The following CEP95 variants were observed in gnomAD, a reference collection of about 807,000 sequenced individuals.
CEP95 encodes centrosomal protein of 95 kDa.
A neutral mutation model predicts 111.2 loss-of-function variants in CEP95; 98 were observed. The ratio of observed to expected loss-of-function variants is 0.88; its 90% CI spans 0.75 to 1.04. The LOEUF is 1.04. CEP95 is among the 50% of genes least tolerant of loss of function. The probability of loss-of-function intolerance (pLI) is 0.00; values close to 1 mark genes in which losing one functional copy is unlikely to be tolerated. For synonymous variants in CEP95, 323 were observed against 327.1 expected, an observed-to-expected ratio of 0.99 and a Z score of 0.14; for missense variants, 1,027 against 977.2, an observed-to-expected ratio of 1.05 and a Z score of -0.68.
rs1555681620 is a variant in CEP95 at position 64,536,730 on chromosome 17, G to T, written c.2199G>T (p.Glu733Asp). The T allele has an allele frequency of 4.4e-6, 7 of 1,608,794 alleles. 1 individual carries two copies. The Admixed American group carries it at 1.2e-4, about 27-fold the overall frequency. Residue 733 changes from glutamate (E) to aspartate (D), a missense_variant, in exon 18 of 20, where the codon GAG (glutamate) becomes GAT (aspartate). Transcript: ENST00000556440. The stretch of plus-strand genomic sequence containing the variant: ...ACCAGGATGAACTGGACTCCATGGA[G>T]AACTACTATAAGGACCAGGTGGGCT... ...RRHQDELDSMENYYKDQFSLL... is the reference protein window; with the variant it reads ...RRHQDELDSMDNYYKDQFSLL...
rs755945888 is a variant in CEP95, at chr17:64,508,639, C to G, written c.67C>G (p.Leu23Val). 6 of 1,461,872 alleles carry G rather than the reference C, an allele frequency of 4.1e-6. No individual in the cohort carries two copies. Among genetic ancestry groups the G allele is most frequent in the Non-Finnish European group, 5.5e-6 (6 of 1,097,916 alleles). The allele number at this position is 1,461,872 out of a possible 1,614,324, so 90.6% of individuals were successfully genotyped here. A position where few individuals can be genotyped will look rare whatever the true frequency, so the allele number is the denominator to read the frequency against. ...NNLLFKCHIH[L>V]RIHELQDCDA... ...CCTTCTTTTTAAGTGTCATATACATCTGAGAATACATGAACTTCAAGACTG... is the reference window on the plus strand; with the variant it reads ...CCTTCTTTTTAAGTGTCATATACATGTGAGAATACATGAACTTCAAGACTG... The change falls in exon 2 of 20, where the codon CTG (leucine) becomes GTG (valine). Residue 23 changes from leucine to valine, a missense_variant. Physicochemically the swap from Leu to Val is conservative, Grantham distance 32 (BLOSUM62 1). Coordinates refer to ENST00000556440, the MANE Select transcript of CEP95 (RefSeq NM_138363.3).
intron 17 of CEP95, chr17:64,535,927 G>A (rs1288592923): frequency 6.6e-6 from 1 of 152,166 alleles, no homozygotes; most frequent in Admixed American, 6.5e-5. Context: ...GATGAACCTT[G>A]AAAACATGCG....
intron 18 of CEP95, 143 bp downstream of exon 18, chr17:64,536,891 T>A (rs1968693698): frequency 8.3e-7 from 1 of 1,204,578 alleles, no homozygotes; most frequent in East Asian, 2.5e-5. Context: ...ATTTCAAGAT[T>A]GAAATTTAAG....
intron 1 of CEP95, chr17:64,507,708 G>C (rs1401908732): frequency 5.1e-6 from 5 of 985,972 alleles, no homozygotes; most frequent in Non-Finnish European, 6.0e-6. Context: ...GGTTTGGCCA[G>C]CTGTGAGAAA....
chr17:64,531,177 A>G (rs1232187697), intron 13 of CEP95, 159 bp downstream of exon 13: 4 of 434,920 alleles, frequency 9.2e-6, no homozygotes, highest in African/African-American at 2.0e-5. Context: ...TTGCTTATTA[A>G]TAAGGCATTC....
At chr17:64,507,534 C>T (rs1000267629) in intron 1 of CEP95, 14 of 1,100,888 alleles carry the variant, frequency 1.3e-5, no homozygotes, top group Non-Finnish European at 1.3e-5. Context: ...TATGCCCCTG[C>T]AGAATAGTAG....
chr17:64,530,506 ATTTTTTTTTT>A lies in CEP95; in HGVS notation c.1447-413_1447-404del, dbSNP rs55675645. On this transcript the variant is annotated intron_variant, in intron 12 of 19. Coordinates refer to ENST00000556440, the MANE Select transcript of CEP95 (RefSeq NM_138363.3). ...TAGGTGAATTTTTTTCCTCTTTTGT[ATTTTTTTTTT>A]TTTTTTCTCAAGGTGGAGATTCACT... Among the ~76,000 whole-genome samples the A allele has an allele frequency of 1.8e-4, 21 of 118,528 alleles. 1 individual carries two copies. Among genetic ancestry groups the A allele is most frequent in the African/African-American group, 6.7e-4 (21 of 31,178 alleles). The allele number at this position is 118,528 out of a possible 152,430, so 77.8% of individuals were successfully genotyped here. A position where few individuals can be genotyped will look rare whatever the true frequency, so the allele number is the denominator to read the frequency against.
At chr17:64,522,992 G>A in intron 8 of CEP95, 97 bp downstream of exon 8, 1 of 886,776 alleles carries the variant, frequency 1.1e-6, no homozygotes, top group South Asian at 1.8e-5. Flanking sequence ...GTGTGTGTAT[G>A]TGTATTGGTG....
At chr17:64,514,401 A>G (rs1048574869) in intron 4 of CEP95, 43 bp downstream of exon 4, 3 of 860,314 alleles carry the variant, frequency 3.5e-6, no homozygotes, top group Non-Finnish European at 1.9e-6. Context: ...ACCTTTTATG[A>G]TGTGTCCCTT....
At position 64,522,701 on chromosome 17, in the gene CEP95, G is replaced by T; in HGVS notation, c.716-1G>T. On this transcript the variant is annotated splice_acceptor_variant, in intron 7 of 19. Transcript: ENST00000556440. LOFTEE classifies it high-confidence loss of function. ...ATATCCACTTTAATTTGTCTTACTA[G>T]CGGAAACCCTTTCTGTGAGTGGGAT... 1 of 1,610,908 alleles carries T rather than the reference G, an allele frequency of 6.2e-7. No homozygotes were observed. The highest frequency in any genetic ancestry group is 8.5e-7 in the Non-Finnish European group (1 of 1,178,362).
Position 64,507,074 on chromosome 17 carries a change from C to G in CEP95, c.-24C>G, listed in dbSNP as rs1013270885. 2 of 1,550,622 alleles carry G rather than the reference C, an allele frequency of 1.3e-6. No individual in the cohort carries two copies. The highest frequency in any genetic ancestry group is 8.7e-7 in the Non-Finnish European group (1 of 1,146,930). On this transcript the variant is annotated 5_prime_UTR_variant, in exon 1 of 20. Transcript: ENST00000556440. ...GTCGCCTTCCCGGCCGCGTCGGAGT[C>G]CGGCGGCGACCTGCCTCTGAAACAT...
Position 64,536,666 on chromosome 17 carries a change from A to G in CEP95, c.2135A>G (p.Asn712Ser), listed in dbSNP as rs1302161794. Residue 712 changes from asparagine to serine, a missense_variant, in exon 18 of 20, where the codon AAC becomes AGC. Transcript: ENST00000556440. ...AAGCAAAGATTACGAGACCTAAGAAACTATGCCAAAGAAAAGCGAGATGAA... is the reference window on the plus strand; with the variant it reads ...AAGCAAAGATTACGAGACCTAAGAAGCTATGCCAAAGAAAAGCGAGATGAA... ...IQKQRLRDLR[N>S]YAKEKRDEQR... 1 of 1,613,182 alleles carries G rather than the reference A, an allele frequency of 6.2e-7. No homozygotes were observed.
chr17:64,518,806 A>G (rs1265375131), intron 5 of CEP95, among the ~76,000 whole-genome samples: 2 of 151,960 alleles, frequency 1.3e-5, no homozygotes, highest in Admixed American at 6.5e-5. Flanking sequence ...TCAGCCTCCA[A>G]AGTAGCTGGG....
At position 64,529,315 on chromosome 17, in the gene CEP95, A is replaced by G. The variant is rs1555679747; in HGVS notation, c.1334A>G (p.Tyr445Cys). 2 of 1,613,650 alleles carry G rather than the reference A, an allele frequency of 1.2e-6. No homozygotes were observed. Among genetic ancestry groups the G allele is most frequent in the Non-Finnish European group, 1.7e-6 (2 of 1,179,738 alleles). Residue 445 changes from tyrosine to cysteine, a missense_variant, in exon 12 of 20, where the codon TAC becomes TGC. By Grantham distance (194) the Tyr-to-Cys change is radical. Coordinates refer to ENST00000556440, the MANE Select transcript of CEP95 (RefSeq NM_138363.3). ...CTTTCCATGCGTAGAAAGCCACCCT[A>G]CAGATCCCATTCGCTCTCTCCATCT... ...PGLSMRRKPP[Y>C]RSHSLSPSPV...
chr17:64,523,430 A>G (rs530061655), intron 8 of CEP95, among the ~76,000 whole-genome samples: 1 of 152,310 alleles, frequency 6.6e-6, no homozygotes, highest in Non-Finnish European at 1.5e-5. Flanking sequence ...AGAGTGGAAA[A>G]GAAAATAACC....
At chr17:64,532,475 C>T in intron 14 of CEP95, 4 of 985,396 alleles carry the variant, frequency 4.1e-6, no homozygotes, top group Non-Finnish European at 4.8e-6. Context: ...ACTGCTGGCC[C>T]TCCTACTCTA....
chr17:64,511,108 A>G (rs1324420906), intron 3 of CEP95, among the ~76,000 whole-genome samples: 4 of 152,166 alleles, frequency 2.6e-5, no homozygotes, highest in African/African-American at 7.2e-5. Context: ...TCACAAGGTA[A>G]TAGAATATCA....
intron 3 of CEP95, among the ~76,000 whole-genome samples, chr17:64,511,910 G>C (rs1023528643): frequency 8.5e-5 from 13 of 152,260 alleles, no homozygotes; most frequent in African/African-American, 3.1e-4. Context: ...CTCTGTTTGG[G>C]GTCCCTGACT....
At chr17:64,533,892 G>A (rs182578277) in intron 16 of CEP95, 2 of 152,398 alleles carry the variant, frequency 1.3e-5, no homozygotes, top group African/African-American at 4.8e-5. Flanking sequence ...CAGGTCCCAA[G>A]TAGAGAGCTC....
Sources: gnomAD v4.1 joint callset for allele counts (sites outside exome capture counted in the v4.1 genomes callset) on GRCh38, gnomAD v4.1.1 for gene constraint, MANE v1.5 for transcripts, NCBI Gene and HGNC (gene_info 2026-07-23, HGNC 2026-07-21) for gene names.